DOCK10: variants seen among roughly 807,000 people sequenced by gnomAD.
DOCK10 encodes dedicator of cytokinesis protein 10.
DOCK10 carries 145 observed loss-of-function variants against 280.1 expected under a neutral mutation model. That is an observed-to-expected ratio of 0.52 (90% CI 0.45 to 0.59). The LOEUF (loss-of-function observed/expected upper bound fraction) is 0.59. DOCK10 is among the 20% of genes least tolerant of loss of function. The pLI is 0.00. For missense variants in DOCK10, 2,368 were observed against 2,651.7 expected (o/e 0.89, Z 2.35); for synonymous variants, 915 against 942.2 (o/e 0.97, Z 0.53).
intron 2 of DOCK10, among the ~76,000 whole-genome samples, chr2:224,921,291 A>C: frequency 6.6e-6 from 1 of 150,474 alleles, no homozygotes; most frequent in African/African-American, 2.5e-5. Flanking sequence ...GCTGGGCAAC[A>C]ACAGCAAAAC....
At chr2:224,850,767 C>A (rs1696678017) in intron 18 of DOCK10, among the ~76,000 whole-genome samples, 1 of 152,174 alleles carries the variant, frequency 6.6e-6, no homozygotes, top group South Asian at 2.1e-4. Flanking sequence ...TTATAAATGG[C>A]AGTTTTTCCT....
chr2:225,019,383 A>C (rs1271538332), intron 1 of DOCK10, among the ~76,000 whole-genome samples: 1 of 152,076 alleles, frequency 6.6e-6, no homozygotes, highest in Non-Finnish European at 1.5e-5. Flanking sequence ...GGTTAACTAA[A>C]AAGTAGACAA....
chr2:224,929,676 G>A (rs780980747), intron 2 of DOCK10, among the ~76,000 whole-genome samples: 78 of 152,196 alleles, frequency 5.1e-4, no homozygotes, highest in Non-Finnish European at 1.0e-4. Flanking sequence ...AGTTATTCTT[G>A]TATTGTCTGT....
intron 1 of DOCK10, among the ~76,000 whole-genome samples, chr2:225,016,999 A>C (rs1459073074): frequency 1.3e-5 from 2 of 152,002 alleles, no homozygotes; most frequent in Admixed American, 6.6e-5. Context: ...CTGGGATTAC[A>C]GGCATGAGCC....
intron 1 of DOCK10, among the ~76,000 whole-genome samples, chr2:225,014,156 G>C (rs640236): frequency 0.45 from 65,050 of 144,272 alleles, 15,521 homozygotes; most frequent in South Asian, 0.6. Flanking sequence ...GCCTTTAGCT[G>C]AATCAAAAGT....
intron 1 of DOCK10, among the ~76,000 whole-genome samples, chr2:225,035,901 A>G (rs1690247437): frequency 6.6e-6 from 1 of 151,428 alleles, no homozygotes; most frequent in Non-Finnish European, 1.5e-5. Flanking sequence ...TTTTAAAGCC[A>G]CTAATCTTAT....
At chr2:224,911,104 G>T (rs546121606) in intron 3 of DOCK10, among the ~76,000 whole-genome samples, 96 of 152,192 alleles carry the variant, frequency 6.3e-4, no homozygotes, top group Non-Finnish European at 1.3e-3. Context: ...ATATATTTGG[G>T]ATCTAGGGCG....
At chr2:224,849,684 A>G (rs1397278252) in intron 18 of DOCK10, 85 bp from the exon 19 acceptor site, 3 of 934,110 alleles carry the variant, frequency 3.2e-6, no homozygotes. Flanking sequence ...CTTCAGTACC[A>G]ACCCTGGGAC....
chr2:224,993,485 G>A (rs1706186484), intron 1 of DOCK10, among the ~76,000 whole-genome samples: 1 of 152,204 alleles, frequency 6.6e-6, no homozygotes, highest in South Asian at 2.1e-4. Flanking sequence ...AGCTCACGAA[G>A]TGAGTCAACT....
At chr2:224,890,229 G>A (rs928756504) in intron 4 of DOCK10, among the ~76,000 whole-genome samples, 3 of 152,094 alleles carry the variant, frequency 2.0e-5, no homozygotes, top group African/African-American at 2.4e-5. Flanking sequence ...GAATAATTTT[G>A]TAGGTATTTG....
chr2:224,896,430 TG>T (rs2125828136), intron 3 of DOCK10, 53 bp from the exon 4 acceptor site: 1 of 1,180,322 alleles, frequency 8.5e-7, no homozygotes, highest in African/African-American at 1.6e-5. Flanking sequence ...ATTAAAAGGC[TG>T]GGCGCGGTGG....
chr2:224,883,866 T>G (rs897239031), intron 7 of DOCK10, among the ~76,000 whole-genome samples: 1 of 152,196 alleles, frequency 6.6e-6, no homozygotes, highest in Middle Eastern at 3.2e-3. Flanking sequence ...GCAAACTTAA[T>G]ATATAACAAA....
intron 1 of DOCK10, among the ~76,000 whole-genome samples, chr2:224,986,825 C>G (rs1705987154): frequency 6.6e-6 from 1 of 152,058 alleles, no homozygotes; most frequent in African/African-American, 2.4e-5. Flanking sequence ...CTAGAGCAGC[C>G]CTAGTACCCT....
intron 7 of DOCK10, among the ~76,000 whole-genome samples, chr2:224,884,088 G>A (rs549886444): frequency 6.6e-6 from 1 of 152,108 alleles, no homozygotes; most frequent in Non-Finnish European, 1.5e-5. Context: ...CTCCATTAAG[G>A]TCATTATTGC....
chr2:224,794,198 CAT>C (rs1317171185), intron 45 of DOCK10, among the ~76,000 whole-genome samples: 2 of 152,200 alleles, frequency 1.3e-5, no homozygotes, highest in Non-Finnish European at 2.9e-5. Context: ...CTGATTACCA[CAT>C]GTGTTTAGAA....
At position 224,866,865 on chromosome 2, in the gene DOCK10, G is replaced by C. The variant is rs150053235; in HGVS notation, c.1258-1778C>G. Among the ~76,000 whole-genome samples, 21 of 152,120 alleles carry C rather than the reference G, an allele frequency of 1.4e-4. 1 individual carries two copies. Among genetic ancestry groups the C allele is most frequent in the African/African-American group, 5.1e-4 (21 of 41,490 alleles). ...AAGGTAACTTCTGGGTATATTTTTG[G>C]CAAGTCTCCATCATTTTTTGAGTAC... On this transcript the variant is annotated intron_variant, in intron 11 of 55. Coordinates refer to ENST00000258390, the MANE Select transcript of DOCK10 (RefSeq NM_014689.3).
chr2:225,030,161 A>AG (rs1050631094), intron 1 of DOCK10, among the ~76,000 whole-genome samples: 4 of 151,246 alleles, frequency 2.6e-5, no homozygotes, highest in African/African-American at 7.3e-5. Context: ...AAAAAAAAAA[A>AG]AAAGAAAGAA....
chr2:224,972,408 T>G (rs1384766604), intron 1 of DOCK10, among the ~76,000 whole-genome samples: 1 of 152,218 alleles, frequency 6.6e-6, no homozygotes, highest in Non-Finnish European at 1.5e-5. Flanking sequence ...TTTCTACCTT[T>G]ATGACCCATA....
chr2:224,857,140 TAC>T (rs1300576245), intron 14 of DOCK10, among the ~76,000 whole-genome samples, 158 bp from the exon 15 acceptor site: 1 of 152,380 alleles, frequency 6.6e-6, no homozygotes, highest in East Asian at 1.9e-4. Flanking sequence ...GCTTCATTTA[TAC>T]AGTTTATTTT....
Sources: gnomAD v4.1 joint callset for allele counts (sites outside exome capture counted in the v4.1 genomes callset) on GRCh38, gnomAD v4.1.1 for gene constraint, MANE v1.5 for transcripts, NCBI Gene and HGNC (gene_info 2026-07-23, HGNC 2026-07-21) for gene names.